Variants in ZMIZ1 observed in about 807,000 individuals in gnomAD.
The protein encoded by ZMIZ1 is zinc finger MIZ-type containing 1.
In ZMIZ1, 17 loss-of-function variants were observed where a neutral mutation model predicts 113.9. The ratio of observed to expected loss-of-function variants is 0.15; its 90% CI spans 0.10 to 0.22. The LOEUF (loss-of-function observed/expected upper bound fraction) is 0.22, where lower values mean the gene tolerates loss of function less well. ZMIZ1 is among the 10% of genes least tolerant of loss of function. The probability of loss-of-function intolerance (pLI) is 1.00; values close to 1 mark genes in which losing one functional copy is unlikely to be tolerated. For synonymous variants in ZMIZ1, 607 were observed against 603.1 expected (o/e 1.01, Z -0.09); for missense variants, 1,059 against 1,477.8 (o/e 0.72, Z 4.65).
At chr10:79,260,759 A>G (rs74377125) in intron 7 of ZMIZ1, among the ~76,000 whole-genome samples, 2,552 of 152,332 alleles carry the variant, frequency 0.017, 31 homozygotes, top group Non-Finnish European at 0.022. Context: ...TTAGCTTTAT[A>G]AGGAGAATGG....
intron 7 of ZMIZ1, among the ~76,000 whole-genome samples, chr10:79,245,595 C>T (rs1251905688): frequency 6.6e-6 from 1 of 152,194 alleles, no homozygotes; most frequent in Non-Finnish European, 1.5e-5. Context: ...CCAGTCCATG[C>T]AGTCCCTGGG....
intron 4 of ZMIZ1, among the ~76,000 whole-genome samples, chr10:79,166,279 T>C (rs703994): frequency 0.6 from 91,427 of 152,134 alleles, 28,255 homozygotes; most frequent in African/African-American, 0.74. Flanking sequence ...TCACTGCTTC[T>C]TGTCATCCTC....
chr10:79,176,790 G>A (rs916626996), intron 4 of ZMIZ1, among the ~76,000 whole-genome samples: 1 of 152,198 alleles, frequency 6.6e-6, no homozygotes, highest in African/African-American at 2.4e-5. Flanking sequence ...CTGGGTTGAG[G>A]TCAGTCTTTC....
chr10:79,290,736 C>T (rs1450961421), intron 9 of ZMIZ1: 1 of 699,002 alleles, frequency 1.4e-6, no homozygotes, highest in Middle Eastern at 2.3e-4. Flanking sequence ...CAGCTTGTTC[C>T]ATCACAAGGC....
At chr10:79,264,504 C>T (rs1564563610) in intron 7 of ZMIZ1, among the ~76,000 whole-genome samples, 1 of 152,222 alleles carries the variant, frequency 6.6e-6, no homozygotes, top group African/African-American at 2.4e-5. Flanking sequence ...TACCTAATTT[C>T]CTACTGAGGT....
chr10:79,246,670 C>G (rs987969396), intron 7 of ZMIZ1, among the ~76,000 whole-genome samples: 2 of 152,208 alleles, frequency 1.3e-5, no homozygotes, highest in Non-Finnish European at 2.9e-5. Flanking sequence ...CTGGGCCTCC[C>G]TCGCCCTCCT....
intron 2 of ZMIZ1, among the ~76,000 whole-genome samples, chr10:79,126,758 C>T (rs192508181): frequency 2.0e-5 from 3 of 152,336 alleles, no homozygotes; most frequent in Non-Finnish European, 2.9e-5. Flanking sequence ...CTTCAGGCAC[C>T]TGGGGAGCCA....
At chr10:79,299,760 C>T (rs574843605) in intron 16 of ZMIZ1, among the ~76,000 whole-genome samples, 26 of 152,370 alleles carry the variant, frequency 1.7e-4, no homozygotes, top group Admixed American at 2.6e-4. Flanking sequence ...AACACTTTCC[C>T]TTTTGACAGA....
chr10:79,289,742 G>T (rs1853340597), intron 8 of ZMIZ1, 33 bp from the exon 9 acceptor site: 1 of 1,595,510 alleles, frequency 6.3e-7, no homozygotes, highest in African/African-American at 1.3e-5. Context: ...TGCCTGCCAG[G>T]CCCTGAAGAT....
chr10:79,208,910 CTCATTGATCATGTATGA>C (rs1178553585), intron 6 of ZMIZ1, among the ~76,000 whole-genome samples: 1 of 152,178 alleles, frequency 6.6e-6, no homozygotes, highest in Non-Finnish European at 1.5e-5. Flanking sequence ...GCATTGATCT[CTCATTGATCATGTATGA>C]TCCCTCTGCT....
chr10:79,226,716 C>T (rs1849213797), intron 7 of ZMIZ1, among the ~76,000 whole-genome samples: 1 of 152,134 alleles, frequency 6.6e-6, no homozygotes, highest in African/African-American at 2.4e-5. Context: ...TTTTTTTAAC[C>T]AAGTGTTGCA....
rs1845307756 is a variant in ZMIZ1, at chr10:79,142,385, G to A, written c.-131+2608G>A. The stretch of plus-strand genomic sequence containing the variant: ...GCTTGAGAGGGTCAGGAGCCTGAAT[G>A]TGAGTCACGGGGCACCCAGCCGTTT... On this transcript the variant is annotated intron_variant, in intron 3 of 24. Transcript: ENST00000334512. Among the ~76,000 whole-genome samples the A allele has an allele frequency of 2.6e-5, 4 of 152,270 alleles. No homozygotes were observed. The South Asian group carries it at 8.3e-4, about 32-fold the overall frequency.
At chr10:79,110,666 CT>C (rs1843705670) in intron 1 of ZMIZ1, among the ~76,000 whole-genome samples, 1 of 152,250 alleles carries the variant, frequency 6.6e-6, no homozygotes. Context: ...ACATTTACCC[CT>C]GTCTCTTCTG....
chr10:79,133,594 C>T (rs982671102), intron 2 of ZMIZ1, among the ~76,000 whole-genome samples: 2 of 152,154 alleles, frequency 1.3e-5, no homozygotes, highest in Admixed American at 6.5e-5. Context: ...GAGGCCATTC[C>T]TAGCGACGCA....
intron 1 of ZMIZ1, among the ~76,000 whole-genome samples, chr10:79,075,616 C>G (rs1842448330): frequency 6.6e-6 from 1 of 152,246 alleles, no homozygotes; most frequent in Admixed American, 6.5e-5. Context: ...AACGCATGCA[C>G]ACCTGCACAC....
intron 1 of ZMIZ1, among the ~76,000 whole-genome samples, chr10:79,073,097 C>T (rs571275197): frequency 4.9e-4 from 74 of 152,254 alleles, no homozygotes; most frequent in African/African-American, 1.7e-3. Context: ...TCCCTATTAC[C>T]GGAGGAGATG....
intron 1 of ZMIZ1, among the ~76,000 whole-genome samples, chr10:79,102,754 C>T (rs890191780): frequency 2.6e-5 from 4 of 152,214 alleles, no homozygotes; most frequent in African/African-American, 7.2e-5. Flanking sequence ...CACCTCTCCG[C>T]GGCTCAGTGC....
At chr10:79,078,175 T>C (rs1411682269) in intron 1 of ZMIZ1, among the ~76,000 whole-genome samples, 1 of 152,214 alleles carries the variant, frequency 6.6e-6, no homozygotes, top group Admixed American at 6.5e-5. Context: ...TCTGAGAAGC[T>C]TATTTTTTTC....
intron 1 of ZMIZ1, among the ~76,000 whole-genome samples, chr10:79,092,596 A>G (rs1479556403): frequency 6.6e-6 from 1 of 152,252 alleles, no homozygotes; most frequent in African/African-American, 2.4e-5. Flanking sequence ...TAAGCCTTGG[A>G]ACCTCGGCCA....
Sources: allele counts gnomAD v4.1 joint callset (sites outside exome capture counted in the v4.1 genomes callset), GRCh38; gene constraint gnomAD v4.1.1; transcripts MANE v1.5; gene names NCBI Gene and HGNC (gene_info 2026-07-23, HGNC 2026-07-21).